FGF14: variants seen among roughly 807,000 people sequenced by gnomAD.
FGF14 encodes fibroblast growth factor 14, also known as fibroblast growth factor homologous factor 4.
Under a neutral mutation model 25.5 loss-of-function variants are expected in FGF14, and 5 were observed. That is an observed-to-expected ratio of 0.20 (90% CI 0.10 to 0.41). The LOEUF is 0.41. FGF14 is among the 10% of genes least tolerant of loss of function. The probability of loss-of-function intolerance (pLI) is 1.00; values close to 1 mark genes in which losing one functional copy is unlikely to be tolerated. For missense variants in FGF14, 222 were observed against 320.1 expected (o/e 0.69, Z 2.34); for synonymous variants, 138 against 118.3 (o/e 1.17, Z -1.08).
At chr13:102,229,997 A>C (rs963648437) in intron 1 of FGF14, among the ~76,000 whole-genome samples, 2 of 152,222 alleles carry the variant, frequency 1.3e-5, no homozygotes, top group Non-Finnish European at 2.9e-5. Flanking sequence ...CTGAATGTTT[A>C]CATTCCTCCA....
At chr13:101,995,145 A>C (rs1388024648) in intron 1 of FGF14, among the ~76,000 whole-genome samples, 2 of 152,182 alleles carry the variant, frequency 1.3e-5, no homozygotes, top group African/African-American at 2.4e-5. Context: ...GTAAGTGATC[A>C]TAAAAATATC....
At chr13:101,919,861 G>T, upstream of FGF14, among the ~76,000 whole-genome samples, 1 of 151,456 alleles carries the variant, frequency 6.6e-6, no homozygotes, top group African/African-American at 2.4e-5. Context: ...TTTCTTTCTC[G>T]AGCGTCCCGA....
chr13:102,100,328 A>G (rs61966549), intron 1 of FGF14, among the ~76,000 whole-genome samples: 6,290 of 152,276 alleles, frequency 0.041, 161 homozygotes, highest in African/African-American at 0.07. Context: ...ACAAGAGCAT[A>G]CCACAAGGAG....
intron 1 of FGF14, among the ~76,000 whole-genome samples, chr13:101,876,762 C>T (rs188971447): frequency 3.3e-4 from 50 of 152,174 alleles, no homozygotes; most frequent in African/African-American, 7.9e-4. Context: ...TAGTATATAA[C>T]TTCCCAAATC....
At chr13:102,075,330 A>G (rs2043315561) in intron 1 of FGF14, among the ~76,000 whole-genome samples, 1 of 152,224 alleles carries the variant, frequency 6.6e-6, no homozygotes. Flanking sequence ...ATAGCTACAA[A>G]AAACTTAAAA....
chr13:101,799,218 G>C (rs1208889485), intron 3 of FGF14, among the ~76,000 whole-genome samples: 1 of 151,958 alleles, frequency 6.6e-6, no homozygotes, highest in African/African-American at 2.4e-5. Flanking sequence ...CTCCCTGTCT[G>C]ATCTTTCTTA....
intron 1 of FGF14, among the ~76,000 whole-genome samples, chr13:102,373,823 A>C (rs1481609800): frequency 2.0e-5 from 3 of 152,178 alleles, no homozygotes; most frequent in Admixed American, 2.0e-4. Context: ...ATCTTGTAGA[A>C]CAACAGCTCT....
intron 3 of FGF14, among the ~76,000 whole-genome samples, chr13:101,750,983 G>A (rs565379629): frequency 2.0e-5 from 3 of 152,198 alleles, no homozygotes; most frequent in Non-Finnish European, 4.4e-5. Flanking sequence ...GGAAAAGGCA[G>A]AACGGAGACA....
chr13:102,378,631 CTATA>C lies in FGF14; in HGVS notation c.208+22836_208+22839del, dbSNP rs750576641. 2.1e-3 allele frequency among the ~76,000 whole-genome samples: 302 copies of C among 141,898 alleles called. 3 individuals carry two copies. Among genetic ancestry groups the C allele is most frequent in the Middle Eastern group, 7.9e-3 (2 of 252 alleles). The allele number at this position is 141,898 out of a possible 152,430, so 93.1% of individuals were successfully genotyped here. On this transcript the variant is annotated intron_variant, in intron 1 of 4. Transcript: ENST00000376131. ...TCTATCTATCTATCTATCTATCTAT[CTATA>C]TATATATATATCTTCTCTTTTAATC...
intron 1 of FGF14, among the ~76,000 whole-genome samples, chr13:102,180,586 A>C (rs1192061137): frequency 6.6e-6 from 1 of 152,184 alleles, no homozygotes; most frequent in Admixed American, 6.5e-5. Flanking sequence ...TGCCTGGATT[A>C]CAGGCGTGAG....
intron 1 of FGF14, among the ~76,000 whole-genome samples, chr13:102,363,749 T>C (rs979962779): frequency 6.6e-6 from 1 of 152,244 alleles, no homozygotes; most frequent in Non-Finnish European, 1.5e-5. Flanking sequence ...TTATTTGTCC[T>C]GTTGCCACTC....
Position 102,167,809 on chromosome 13 carries a change from T to A in FGF14, c.208+233662A>T, listed in dbSNP as rs79151899. Among the ~76,000 whole-genome samples the A allele has an allele frequency of 2.8e-5, 4 of 144,634 alleles. No homozygotes were observed. In the Admixed American group the frequency reaches 2.8e-4, roughly 10 times the overall value. 94.9% of individuals were successfully genotyped at this position (144,634 alleles called of 152,430 possible). A position where few individuals can be genotyped will look rare whatever the true frequency, so the allele number is the denominator to read the frequency against. ...CATGCTAGCTCTTTTTTTTTTTTTT[T>A]AAGAAATATCGTTTGAAAGATGCTA... On this transcript the variant is annotated intron_variant, in intron 1 of 4. Coordinates refer to the FGF14 transcript ENST00000376131.
intron 1 of FGF14, among the ~76,000 whole-genome samples, chr13:102,177,381 T>C (rs1807076649): frequency 6.6e-6 from 1 of 152,136 alleles, no homozygotes; most frequent in South Asian, 2.1e-4. Flanking sequence ...AGCCCTAGTG[T>C]CCTTTAAACT....
chr13:101,927,404 A>C (rs960194568), intron 1 of FGF14, among the ~76,000 whole-genome samples: 1 of 152,226 alleles, frequency 6.6e-6, no homozygotes, highest in South Asian at 2.1e-4. Context: ...TGCACTGGCC[A>C]TGCTCACAGG....
At chr13:102,207,291 T>C (rs532850180) in intron 1 of FGF14, among the ~76,000 whole-genome samples, 2 of 150,404 alleles carry the variant, frequency 1.3e-5, no homozygotes, top group Non-Finnish European at 3.0e-5. Flanking sequence ...AAAAAATAAA[T>C]AAATAAATAA....
intron 1 of FGF14, among the ~76,000 whole-genome samples, chr13:102,126,990 C>T (rs1566719895): frequency 6.6e-6 from 1 of 152,164 alleles, no homozygotes; most frequent in Non-Finnish European, 1.5e-5. Flanking sequence ...TTTGAGGTAA[C>T]AAGCTGAGTA....
At chr13:102,141,639 T>C (rs2046647368) in intron 1 of FGF14, among the ~76,000 whole-genome samples, 1 of 152,226 alleles carries the variant, frequency 6.6e-6, no homozygotes. Flanking sequence ...ATTTCTCCAA[T>C]ACATAATTGT....
At chr13:101,770,966 T>TA (rs1367649238) in intron 3 of FGF14, among the ~76,000 whole-genome samples, 2 of 152,084 alleles carry the variant, frequency 1.3e-5, no homozygotes, top group African/African-American at 4.8e-5. Context: ...CACACAGATT[T>TA]AAAATTATAT....
In FGF14 at chr13:102,133,025, C is replaced by G. The variant is rs369759500; in HGVS notation, c.209-257729G>C. ...TTAGAACATCTGCTATCAAAACCAT[C>G]AAAACTGAAAGCCTTTCTATTCCAT... On this transcript the variant is annotated intron_variant, in intron 1 of 4. Transcript: ENST00000376131. Among the ~76,000 whole-genome samples, 4 of 152,312 alleles carry G rather than the reference C, an allele frequency of 2.6e-5. No homozygotes were observed. The East Asian group carries it at 7.7e-4, about 29-fold the overall frequency.
Sources: gnomAD v4.1 joint callset for allele counts (sites outside exome capture counted in the v4.1 genomes callset) on GRCh38, gnomAD v4.1.1 for gene constraint, MANE v1.5 for transcripts, NCBI Gene and HGNC (gene_info 2026-07-23, HGNC 2026-07-21) for gene names.